The following PRKCB variants were observed in gnomAD, a reference collection of about 807,000 sequenced individuals.
PRKCB encodes protein kinase C beta, also known as protein kinase C beta type.
Under a neutral mutation model 81.5 loss-of-function variants are expected in PRKCB, and 13 were observed. The observed-to-expected ratio is 0.16, with a 90% CI of 0.10 to 0.25. PRKCB has a LOEUF of 0.25. Ranked by LOEUF, PRKCB falls within the 10% of genes least tolerant of loss-of-function variation. The pLI is 1.00. For missense variants in PRKCB, 509 were observed against 875.7 expected, an observed-to-expected ratio of 0.58 and a Z score of 5.29; for synonymous variants, 335 against 321.4, an observed-to-expected ratio of 1.04 and a Z score of -0.45.
intron 16 of PRKCB, among the ~76,000 whole-genome samples, chr16:24,201,161 T>G (rs867992401): frequency 6.6e-6 from 1 of 152,200 alleles, no homozygotes. Flanking sequence ...TGCTCTGGAC[T>G]CCAGCCTCTT....
chr16:24,154,547 A>G, intron 9 of PRKCB, 137 bp from the exon 10 acceptor site: 1 of 771,432 alleles, frequency 1.3e-6, no homozygotes, highest in South Asian at 1.9e-5. Flanking sequence ...AAGTCAATAG[A>G]AAACATTACC....
chr16:24,034,658 C>T (rs1347439297), intron 4 of PRKCB, among the ~76,000 whole-genome samples: 1 of 152,158 alleles, frequency 6.6e-6, no homozygotes, highest in Non-Finnish European at 1.5e-5. Context: ...CCAGCCCAGA[C>T]CCCCTCTTCA....
intron 2 of PRKCB, among the ~76,000 whole-genome samples, chr16:23,946,568 A>T (rs1207841655): frequency 6.6e-6 from 1 of 152,008 alleles, no homozygotes; most frequent in East Asian, 1.9e-4. Context: ...TTAAGTCCAT[A>T]AAGAACCTAA....
At chr16:24,000,870 G>A (rs1311758991) in intron 3 of PRKCB, among the ~76,000 whole-genome samples, 2 of 152,166 alleles carry the variant, frequency 1.3e-5, no homozygotes, top group African/African-American at 4.8e-5. Flanking sequence ...AAATGCTGGT[G>A]TCAAATTCCA....
At chr16:23,902,262 T>A (rs1040351952) in intron 2 of PRKCB, among the ~76,000 whole-genome samples, 5 of 152,200 alleles carry the variant, frequency 3.3e-5, no homozygotes, top group Non-Finnish European at 5.9e-5. Flanking sequence ...CATTTGCCCC[T>A]GCCTTTAGAA....
chr16:24,151,851 TGGG>T, intron 9 of PRKCB: 1 of 455,756 alleles, frequency 2.2e-6, no homozygotes, highest in Non-Finnish European at 4.4e-6. Flanking sequence ...ATCTACGAAA[TGGG>T]GGTAATTGAC....
intron 9 of PRKCB, among the ~76,000 whole-genome samples, chr16:24,143,104 T>C (rs1423434150): frequency 1.3e-5 from 2 of 152,134 alleles, no homozygotes. Context: ...TAAAGGTCTC[T>C]TTCTCTTATT....
intron 2 of PRKCB, among the ~76,000 whole-genome samples, chr16:23,943,728 A>G (rs894624739): frequency 6.6e-6 from 1 of 152,248 alleles, no homozygotes; most frequent in African/African-American, 2.4e-5. Flanking sequence ...CAATACTTGC[A>G]TGAAATAGCA....
At chr16:24,153,587 G>T (rs918531469) in intron 9 of PRKCB, among the ~76,000 whole-genome samples, 1 of 152,164 alleles carries the variant, frequency 6.6e-6, no homozygotes, top group Non-Finnish European at 1.5e-5. Context: ...GAGACAATCT[G>T]CTGGTCATTG....
At chr16:24,113,531 T>TC (rs754731865) in intron 8 of PRKCB, among the ~76,000 whole-genome samples, 6 of 139,814 alleles carry the variant, frequency 4.3e-5, no homozygotes, top group Non-Finnish European at 6.2e-5. Flanking sequence ...CCTCCCTCCC[T>TC]CCCCCCTTTC....
intron 2 of PRKCB, among the ~76,000 whole-genome samples, chr16:23,857,262 G>C (rs575658954): frequency 6.6e-6 from 1 of 152,316 alleles, no homozygotes; most frequent in African/African-American, 2.4e-5. Flanking sequence ...TCGAATGCTG[G>C]CGGAGAACTG....
intron 3 of PRKCB, among the ~76,000 whole-genome samples, chr16:23,991,115 A>G (rs562468302): frequency 6.6e-6 from 1 of 152,036 alleles, no homozygotes; most frequent in South Asian, 2.1e-4. Flanking sequence ...CTGTCATTGG[A>G]TTTCTTTAGC....
intron 2 of PRKCB, among the ~76,000 whole-genome samples, chr16:23,877,204 G>T (rs1335067217): frequency 6.6e-6 from 1 of 152,056 alleles, no homozygotes; most frequent in East Asian, 1.9e-4. Context: ...CAGTAGCCAG[G>T]CACAGTGCCT....
intron 5 of PRKCB, among the ~76,000 whole-genome samples, chr16:24,073,642 T>C (rs1203707099): frequency 6.6e-6 from 1 of 152,206 alleles, no homozygotes; most frequent in East Asian, 1.9e-4. Flanking sequence ...GCCGGTTTTT[T>C]AAATGTCTCA....
At chr16:23,881,965 CCTTTCTTTCTTTCTTTCTTTCTTT>C (rs1192906884) in intron 2 of PRKCB, among the ~76,000 whole-genome samples, 5 of 70,102 alleles carry the variant, frequency 7.1e-5, no homozygotes, top group African/African-American at 1.7e-4. Flanking sequence ...TTTTTCTTTT[CCTTTCTTTCTTTCTTTCTTTCTTT>C]CTTTCTTTCT....
At position 23,837,382 on chromosome 16, in the gene PRKCB, G is replaced by C. The variant is rs1405456160; in HGVS notation, c.181G>C (p.Gly61Arg). The C allele has an allele frequency of 6.2e-7, 1 of 1,613,196 alleles. No homozygotes were observed. The highest frequency in any genetic ancestry group is 1.3e-5 in the African/African-American group (1 of 74,878). ...CTCCTTCTGCTTTTGCAGGGGCTTC[G>C]GGAAGCAGGGATTCCAGTGCCAAGG... is the stretch of plus-strand genomic sequence containing the variant. ...SHCTDFIWGF[G>R]KQGFQCQVCC... The change falls in exon 2 of 17, where the codon GGG (glycine) becomes CGG (arginine). Residue 61 changes from glycine to arginine, a missense_variant. Gly to Arg is a moderately radical substitution (Grantham distance 125). Transcript: ENST00000643927.
At chr16:24,136,502 C>A (rs1052040795) in intron 9 of PRKCB, among the ~76,000 whole-genome samples, 3 of 152,082 alleles carry the variant, frequency 2.0e-5, no homozygotes, top group Admixed American at 6.6e-5. Context: ...TGTAGGGGGG[C>A]CCCCAGCCTG....
intron 16 of PRKCB, among the ~76,000 whole-genome samples, chr16:24,204,112 C>G (rs1968006950): frequency 6.6e-6 from 1 of 152,042 alleles, no homozygotes; most frequent in Admixed American, 6.5e-5. Context: ...ATGAATGGGT[C>G]AGTCAGCCCT....
chr16:23,999,265 C>T (rs1965001371), intron 3 of PRKCB, among the ~76,000 whole-genome samples: 1 of 152,230 alleles, frequency 6.6e-6, no homozygotes, highest in African/African-American at 2.4e-5. Context: ...CAGAAACACA[C>T]AGGCGGTGAC....
Sources: gnomAD v4.1 joint callset for allele counts (sites outside exome capture counted in the v4.1 genomes callset) on GRCh38, gnomAD v4.1.1 for gene constraint, MANE v1.5 for transcripts, NCBI Gene and HGNC (gene_info 2026-07-23, HGNC 2026-07-21) for gene names.